Variants in GPHN observed in about 807,000 individuals in gnomAD.
GPHN encodes the protein gephyrin.
A neutral mutation model predicts 95.5 loss-of-function variants in GPHN; 17 were observed. The ratio of observed to expected loss-of-function variants is 0.18; its 90% CI spans 0.12 to 0.27. The LOEUF (loss-of-function observed/expected upper bound fraction) is 0.27. GPHN is among the 10% of genes least tolerant of loss of function. GPHN has a pLI of 1.00. For synonymous variants in GPHN, 320 were observed against 322.5 expected, an observed-to-expected ratio of 0.99 and a Z score of 0.08; for missense variants, 660 against 978.1, an observed-to-expected ratio of 0.67 and a Z score of 4.34.
At chr14:67,535,248 C>T in the GPHN span, among the ~76,000 whole-genome samples, 1 of 151,950 alleles carries the variant, frequency 6.6e-6, no homozygotes, top group Admixed American at 6.6e-5. Flanking sequence ...GGCTGAAGTA[C>T]AGGCATGGGA....
At chr14:67,372,640 C>T in the GPHN span, among the ~76,000 whole-genome samples, 1 of 152,068 alleles carries the variant, frequency 6.6e-6, no homozygotes, top group African/African-American at 2.4e-5. Flanking sequence ...ACTATCCTGG[C>T]CAACATGGTG....
chr14:67,173,480 A>G (rs146505671), intron 21 of GPHN, among the ~76,000 whole-genome samples: 289 of 152,286 alleles, frequency 1.9e-3, no homozygotes, highest in African/African-American at 6.8e-3. Flanking sequence ...AAGATGCTGC[A>G]TGGAAACTAT....
intron 1 of GPHN, among the ~76,000 whole-genome samples, chr14:66,520,298 G>T: frequency 6.6e-6 from 1 of 152,012 alleles, no homozygotes; most frequent in Non-Finnish European, 1.5e-5. Flanking sequence ...TTTCCAATAA[G>T]GATGTATTAA....
intron 1 of GPHN, among the ~76,000 whole-genome samples, chr14:66,555,233 A>G (rs562178039): frequency 1.1e-3 from 170 of 152,340 alleles, no homozygotes; most frequent in South Asian, 1.7e-3. Flanking sequence ...CATATGGTAT[A>G]TATATAACAT....
chr14:67,543,546 C>T, the GPHN span, among the ~76,000 whole-genome samples: 6 of 152,290 alleles, frequency 3.9e-5, no homozygotes, highest in South Asian at 2.1e-4. Flanking sequence ...TGGGTTCTAC[C>T]CCAGTCCTCT....
rs749202032 is a variant in GPHN, at chr14:66,848,355, A to T, written c.294+23789A>T. 2.6e-5 allele frequency among the ~76,000 whole-genome samples: 4 copies of T among 152,158 alleles called. 1 individual carries two copies. The highest frequency in any genetic ancestry group is 6.8e-3 in the Middle Eastern group (2 of 294). ...CCTCAAAGAAAATACTGTATCTCTT[A>T]TAAGTTAAATTATTTTCTCATCCAA... is the stretch of plus-strand genomic sequence containing the variant. On this transcript the variant is annotated intron_variant, in intron 4 of 22. Transcript: ENST00000478722.
intron 8 of GPHN, among the ~76,000 whole-genome samples, chr14:66,953,339 G>A (rs545480536): frequency 4.2e-4 from 64 of 151,964 alleles, no homozygotes; most frequent in African/African-American, 1.5e-3. Flanking sequence ...ATGAAGTCCA[G>A]TTAATCTAAT....
At chr14:67,584,061 C>T in the GPHN span, 1 of 1,614,018 alleles carries the variant, frequency 6.2e-7, no homozygotes, top group African/African-American at 1.3e-5. Context: ...CTGAGTGCAT[C>T]CGCATCTACC....
chr14:67,722,644 T>C, the GPHN span: 1 of 1,613,810 alleles, frequency 6.2e-7, no homozygotes, highest in Non-Finnish European at 8.5e-7. Context: ...GTTGGAACGA[T>C]GCTGGTCACC....
At chr14:67,496,401 T>TG in the GPHN span, among the ~76,000 whole-genome samples, 2 of 124,478 alleles carry the variant, frequency 1.6e-5, no homozygotes, top group African/African-American at 3.0e-5. Flanking sequence ...GTTTTTTTTT[T>TG]TTTTTTTTTT....
the GPHN span, chr14:67,199,353 T>C: frequency 6.8e-6 from 11 of 1,614,108 alleles, no homozygotes; most frequent in East Asian, 2.0e-4. Flanking sequence ...AACCTGGATG[T>C]AGGGGCCAAC....
chr14:66,696,342 G>A (rs894162309), intron 2 of GPHN, among the ~76,000 whole-genome samples: 2 of 152,120 alleles, frequency 1.3e-5, no homozygotes, highest in African/African-American at 2.4e-5. Flanking sequence ...CTATCCATTA[G>A]CCTTGAGTCT....
the GPHN span, among the ~76,000 whole-genome samples, chr14:67,477,049 C>T: frequency 6.6e-6 from 1 of 152,002 alleles, no homozygotes; most frequent in African/African-American, 2.4e-5. Flanking sequence ...GCCTATAATC[C>T]CAGCTACTTA....
chr14:66,915,955 G>A (rs200784094), intron 5 of GPHN, 48 bp from the exon 6 acceptor site: 60 of 963,880 alleles, frequency 6.2e-5, no homozygotes, highest in Non-Finnish European at 8.5e-5. Flanking sequence ...TATTTAAACC[G>A]GGCATTCATA....
intron 2 of GPHN, among the ~76,000 whole-genome samples, chr14:66,691,377 G>T (rs1194972934): frequency 6.6e-6 from 1 of 151,678 alleles, no homozygotes; most frequent in African/African-American, 2.4e-5. Context: ...TAGAGACAAG[G>T]TTTCACCGTG....
At chr14:67,386,557 C>G in the GPHN span, 2 of 152,212 alleles carry the variant, frequency 1.3e-5, no homozygotes, top group East Asian at 1.9e-4. Context: ...AACCTTCCAA[C>G]TGGTGAAGTT....
chr14:67,331,384 A>C, the GPHN span, among the ~76,000 whole-genome samples: 1 of 152,110 alleles, frequency 6.6e-6, no homozygotes. Flanking sequence ...CAATGATAGA[A>C]GTGCTGAAGT....
At chr14:66,880,350 TTTGTTGTTGTTG>T (rs35170352) in intron 5 of GPHN, among the ~76,000 whole-genome samples, 1 of 150,358 alleles carries the variant, frequency 6.7e-6, no homozygotes, top group Non-Finnish European at 1.5e-5. Context: ...TTCACTTCTT[TTTGTTGTTGTTG>T]TTGTTGTTGT....
the GPHN span, chr14:67,446,177 T>C: frequency 2.6e-6 from 1 of 391,850 alleles, no homozygotes. Context: ...CTCGGCGCCT[T>C]TGGGCAAATT....
Sources: allele counts gnomAD v4.1 joint callset (sites outside exome capture counted in the v4.1 genomes callset), GRCh38; gene constraint gnomAD v4.1.1; transcripts MANE v1.5; gene names NCBI Gene and HGNC (gene_info 2026-07-23, HGNC 2026-07-21).